COBLL1: variants seen among roughly 807,000 people sequenced by gnomAD.
COBLL1 encodes cordon-bleu WH2 repeat protein like 1.
COBLL1 carries 50 observed loss-of-function variants against 94.8 expected under a neutral mutation model. That is an observed-to-expected ratio of 0.53 (90% CI 0.42 to 0.67). COBLL1 has a LOEUF of 0.67. Among genes scored for constraint, COBLL1 ranks in the 30% least tolerant of loss-of-function variants. The pLI is 0.00. For missense variants in COBLL1, 1,362 were observed against 1,348.7 expected, an observed-to-expected ratio of 1.01 and a Z score of -0.15; for synonymous variants, 448 against 473.8, an observed-to-expected ratio of 0.95 and a Z score of 0.71.
At chr2:164,768,478 T>C (rs1325400434) in intron 2 of COBLL1, among the ~76,000 whole-genome samples, 2 of 152,114 alleles carry the variant, frequency 1.3e-5, no homozygotes, top group Admixed American at 6.5e-5. Flanking sequence ...AAGACAATTC[T>C]TTTTCTTCCA....
intron 3 of COBLL1, among the ~76,000 whole-genome samples, chr2:164,740,290 G>C (rs1182097062): frequency 6.6e-6 from 1 of 152,108 alleles, no homozygotes; most frequent in African/African-American, 2.4e-5. Context: ...TTGAGTCTGG[G>C]AGGCAGAAGC....
At chr2:164,835,440 G>C (rs1207769530) in intron 2 of COBLL1, among the ~76,000 whole-genome samples, 2 of 152,296 alleles carry the variant, frequency 1.3e-5, no homozygotes, top group Middle Eastern at 6.8e-3. Flanking sequence ...GAGGTACCTA[G>C]AGTAGTCAAA....
chr2:164,787,678 C>T (rs537763530), intron 2 of COBLL1, among the ~76,000 whole-genome samples: 6 of 152,180 alleles, frequency 3.9e-5, no homozygotes, highest in South Asian at 2.1e-4. Flanking sequence ...CATTTATATG[C>T]CATCCATCAT....
At chr2:164,667,243 C>T (rs1303725944) in intron 1 of COBLL1, among the ~76,000 whole-genome samples, 1 of 151,948 alleles carries the variant, frequency 6.6e-6, no homozygotes, top group Non-Finnish European at 1.5e-5. Flanking sequence ...TTCAGTAATC[C>T]GTGCTGTAAA....
In COBLL1 at chr2:164,839,543, C is replaced by T. The variant is rs536243478; in HGVS notation, c.41+1613G>A. On this transcript the variant is annotated intron_variant, in intron 2 of 13. Transcript: ENST00000652658. ...GAGCCATCTGACCTCACCTATTTTA[C>T]TTAAAAGTCCCCAGTGACTTCTGAA... 7.2e-4 allele frequency among the ~76,000 whole-genome samples: 109 copies of T among 152,324 alleles called. 1 individual carries two copies. Among genetic ancestry groups the T allele is most frequent in the African/African-American group, 2.6e-3 (108 of 41,582 alleles).
rs1172099905 is a variant in COBLL1 at position 164,683,615 on chromosome 2, C to T, written c.*2331G>A. On this transcript the variant is annotated 3_prime_UTR_variant, in exon 14 of 14. Transcript: ENST00000652658. Reference sequence around the variant, plus strand: ...CACAATTGATGCCTCTTATAAATCTCAATTCAGTCTTTCTTGGTTCCCACA... The same window carrying T: ...CACAATTGATGCCTCTTATAAATCTTAATTCAGTCTTTCTTGGTTCCCACA... 6.6e-6 allele frequency: 1 copy of T among 152,094 alleles called. No individual in the cohort carries two copies. Among genetic ancestry groups the T allele is most frequent in the Admixed American group, 6.6e-5 (1 of 15,244 alleles). The allele number at this position is 152,094 out of a possible 1,614,324, so 9.4% of individuals were successfully genotyped here. A position where few individuals can be genotyped will look rare whatever the true frequency, so the allele number is the denominator to read the frequency against.
intron 2 of COBLL1, among the ~76,000 whole-genome samples, chr2:164,775,552 T>C (rs1447049530): frequency 6.6e-6 from 1 of 152,188 alleles, no homozygotes; most frequent in Non-Finnish European, 1.5e-5. Context: ...AACCTCCGCC[T>C]ACCAGATTCA....
Position 164,682,871 on chromosome 2 carries a change from A to G in COBLL1, c.*3075T>C, listed in dbSNP as rs1393096518. ...AACATTATGTACCGCAGCAAGAAACAATAGAATGGCTAACAGAAATACGAT... is the reference window on the plus strand; with the variant it reads ...AACATTATGTACCGCAGCAAGAAACGATAGAATGGCTAACAGAAATACGAT... On this transcript the variant is annotated 3_prime_UTR_variant, in exon 14 of 14. Transcript: ENST00000652658. 3.9e-5 allele frequency: 6 copies of G among 152,124 alleles called. No homozygotes were observed. The highest frequency in any genetic ancestry group is 3.9e-4 in the Admixed American group (6 of 15,254). 9.4% of individuals were successfully genotyped at this position (152,124 alleles called of 1,614,324 possible). A position where few individuals can be genotyped will look rare whatever the true frequency, so the allele number is the denominator to read the frequency against.
chr2:164,808,294 A>G (rs1684295484), intron 2 of COBLL1, among the ~76,000 whole-genome samples: 1 of 152,146 alleles, frequency 6.6e-6, no homozygotes, highest in Non-Finnish European at 1.5e-5. Flanking sequence ...TTGGTAAATA[A>G]TTTTTAATAC....
At chr2:164,805,337 C>CTCTCTATATATATATA (rs758137553) in intron 2 of COBLL1, among the ~76,000 whole-genome samples, 5 of 17,050 alleles carry the variant, frequency 2.9e-4, no homozygotes, top group African/African-American at 6.9e-4. Flanking sequence ...CTCTCTCTCT[C>CTCTCTATATATATATA]TATATATATA....
chr2:164,739,841 A>C (rs1006065640), intron 3 of COBLL1, among the ~76,000 whole-genome samples: 5 of 152,180 alleles, frequency 3.3e-5, no homozygotes, highest in Non-Finnish European at 7.3e-5. Flanking sequence ...ATAATTTTCT[A>C]TTTGAACATT....
rs1374722892 is a variant in COBLL1, at chr2:164,841,170, C to T, written c.27G>A (p.Gln9=). MDGRTPRP[Q]DAPARRKPKA... ...TCTGGGCTTACCTGGCTGGGGCGTC[C>T]TGCGGGCGCGGGGTTCGGCCGTCCA... The change falls in exon 2 of 14, where the codon CAG becomes CAA. Residue 9 remains glutamine, a synonymous_variant. Transcript: ENST00000652658. This position sits in a 1 kb window ranked among gnomAD's most constrained non-coding sequence, Gnocchi z 5.5. The T allele has an allele frequency of 2.4e-6, 3 of 1,231,344 alleles. No individual in the cohort carries two copies. The highest frequency in any genetic ancestry group is 8.5e-5 in the Admixed American group (2 of 23,634). 76.3% of individuals were successfully genotyped at this position (1,231,344 alleles called of 1,614,324 possible). A position where few individuals can be genotyped will look rare whatever the true frequency, so the allele number is the denominator to read the frequency against.
chr2:164,821,746 CTAG>C (rs1463204126), intron 2 of COBLL1, among the ~76,000 whole-genome samples: 1 of 152,074 alleles, frequency 6.6e-6, no homozygotes, highest in East Asian at 1.9e-4. Context: ...TGCATCTTAC[CTAG>C]TAGAACCTTT....
rs747218737 is a variant in COBLL1 at position 164,694,464 on chromosome 2, G to C, written c.2928C>G (p.Ala976=). The change falls in exon 12 of 14, where the codon GCC becomes GCG. Residue 976 remains alanine, a synonymous_variant. Transcript: ENST00000652658. ...GACCAGAACTTGAGTATGGTCGTGG[G>C]GCACCAAAAGTTTTCAAAGTCTTCA... ...QNLKTLKTFG[A]PRPYSSSGPS... 2 of 1,613,794 alleles carry C rather than the reference G, an allele frequency of 1.2e-6. No individual in the cohort carries two copies. Among genetic ancestry groups the C allele is most frequent in the African/African-American group, 1.3e-5 (1 of 74,864 alleles).
Position 164,730,127 on chromosome 2 carries a change from G to A in COBLL1, c.231-12C>T, listed in dbSNP as rs201229538. The A allele has an allele frequency of 3.3e-5, 53 of 1,600,594 alleles. No homozygotes were observed. The highest frequency in any genetic ancestry group is 4.4e-5 in the Non-Finnish European group (51 of 1,168,056). On this transcript the variant is annotated splice_polypyrimidine_tract_variant and intron_variant, in intron 3 of 13. Transcript: ENST00000652658. ...CCATCATAGGTTTACTGTAAAACAA[G>A]AGTATTTCATTACCCGTTATTGTTT...
intron 2 of COBLL1, among the ~76,000 whole-genome samples, chr2:164,802,427 A>G (rs1425571729): frequency 6.6e-6 from 1 of 152,218 alleles, no homozygotes; most frequent in Admixed American, 6.5e-5. Flanking sequence ...TGCCAGTAAT[A>G]TATCTGAAGG....
intron 2 of COBLL1, among the ~76,000 whole-genome samples, chr2:164,834,497 T>C (rs1683231447): frequency 6.6e-6 from 1 of 152,236 alleles, no homozygotes; most frequent in South Asian, 2.1e-4. Flanking sequence ...TCCATACAGA[T>C]AATAATTTTG....
In COBLL1 at chr2:164,730,042, G is replaced by T. The variant is rs1438706647; in HGVS notation, c.304C>A (p.Leu102Met). ...HLNPSSYTID[L>M]LSAEQNHIKF... ...ATGTGGTTCTGTTCAGCTGACAACAGATCGATTGTGTAACTTGATGGATTT... is the reference window on the plus strand; with the variant it reads ...ATGTGGTTCTGTTCAGCTGACAACATATCGATTGTGTAACTTGATGGATTT... The change falls in exon 4 of 14, where the codon CTG becomes ATG. Residue 102 changes from leucine (L) to methionine (M), a missense_variant. Coordinates refer to ENST00000652658, the MANE Select transcript of COBLL1 (RefSeq NM_001365672.2). 6.2e-6 allele frequency: 10 copies of T among 1,613,888 alleles called. No individual in the cohort carries two copies. Among genetic ancestry groups the T allele is most frequent in the Admixed American group, 3.3e-5 (2 of 59,988 alleles).
At chr2:164,725,698 T>C (rs1685693120) in intron 5 of COBLL1, among the ~76,000 whole-genome samples, 1 of 152,134 alleles carries the variant, frequency 6.6e-6, no homozygotes, top group African/African-American at 2.4e-5. Flanking sequence ...GAATGATAGG[T>C]GTGAGCCACC....
Sources: gnomAD v4.1 joint callset for allele counts (sites outside exome capture counted in the v4.1 genomes callset) on GRCh38, gnomAD v4.1.1 for gene constraint, Gnocchi (gnomAD v3.1) non-coding constraint, MANE v1.5 for transcripts, NCBI Gene and HGNC (gene_info 2026-07-23, HGNC 2026-07-21) for gene names.